Variants in RIN2 observed in about 807,000 individuals in gnomAD.
RIN2 encodes the protein Ras and Rab interactor 2.
Under a neutral mutation model 78.0 loss-of-function variants are expected in RIN2, and 36 were observed. That is an observed-to-expected ratio of 0.46 (90% CI 0.35 to 0.61). The LOEUF (loss-of-function observed/expected upper bound fraction) is 0.61. Ranked by LOEUF, RIN2 falls within the 20% of genes least tolerant of loss-of-function variation. The pLI is 0.00. For missense variants in RIN2, 1,087 were observed against 1,159.7 expected (o/e 0.94, Z 0.91); for synonymous variants, 466 against 466.8 (o/e 1.00, Z 0.02).
At chr20:19,897,665 T>C (rs73901326) in intron 3 of RIN2, among the ~76,000 whole-genome samples, 2,139 of 151,954 alleles carry the variant, frequency 0.014, 35 homozygotes, top group African/African-American at 0.044. Flanking sequence ...GAAAACTCCA[T>C]CTGAAGAGGT....
chr20:19,959,481 T>C (rs1222760696), intron 5 of RIN2, among the ~76,000 whole-genome samples: 1 of 152,206 alleles, frequency 6.6e-6, no homozygotes, highest in Non-Finnish European at 1.5e-5. Context: ...ATGAGTCCTA[T>C]GGATGCATCC....
At chr20:19,997,721 T>G (rs2043015263) in intron 12 of RIN2, among the ~76,000 whole-genome samples, 1 of 152,012 alleles carries the variant, frequency 6.6e-6, no homozygotes, top group Admixed American at 6.6e-5. Context: ...ATCACGCCAC[T>G]GCACTCCAGC....
At chr20:19,928,249 C>T (rs1353265065) in intron 3 of RIN2, among the ~76,000 whole-genome samples, 25 of 152,198 alleles carry the variant, frequency 1.6e-4, no homozygotes, top group Admixed American at 1.6e-3. Flanking sequence ...CTCCAATGAC[C>T]TTCCCTTGAC....
chr20:19,928,025 T>A (rs780371667), intron 3 of RIN2, among the ~76,000 whole-genome samples: 6 of 151,980 alleles, frequency 3.9e-5, no homozygotes, highest in Non-Finnish European at 7.4e-5. Context: ...GCCTCCGCCT[T>A]CGGAGTAGCT....
chr20:19,763,462 G>GAA (rs1314056974), intron 1 of RIN2, among the ~76,000 whole-genome samples: 2 of 152,144 alleles, frequency 1.3e-5, no homozygotes, highest in Non-Finnish European at 2.9e-5. Context: ...CTGAAAGTGT[G>GAA]AATAGAACCA....
At chr20:19,823,401 C>CT (rs1193332670) in intron 2 of RIN2, 43 of 579,934 alleles carry the variant, frequency 7.4e-5, no homozygotes, top group Middle Eastern at 4.6e-4. Context: ...TTTTTTTTTT[C>CT]TTTTTTTGTC....
intron 2 of RIN2, among the ~76,000 whole-genome samples, chr20:19,851,073 G>GAGA (rs1345161728): frequency 2.0e-5 from 3 of 151,336 alleles, no homozygotes; most frequent in Non-Finnish European, 4.4e-5. Context: ...AGGAAGGAAG[G>GAGA]AAGGAAGGAA....
At position 19,975,885 on chromosome 20, in the gene RIN2, C is replaced by G. The variant is rs566310755; in HGVS notation, c.1762+98C>G. 5.2e-5 allele frequency: 58 copies of G among 1,121,340 alleles called. No individual in the cohort carries two copies. The highest frequency in any genetic ancestry group is 7.1e-5 in the Non-Finnish European group (54 of 758,974). 69.5% of individuals were successfully genotyped at this position (1,121,340 alleles called of 1,614,324 possible). Reference sequence around the variant, plus strand: ...TTTTTATGAAGTTTACTCCGAAGTTCAAAACAACACCCAGCTCCACCTTCT... The same window carrying G: ...TTTTTATGAAGTTTACTCCGAAGTTGAAAACAACACCCAGCTCCACCTTCT... On this transcript the variant is annotated intron_variant, in intron 9 of 12. Transcript: ENST00000255006. This position sits in a 1 kb window ranked among gnomAD's most constrained non-coding sequence, Gnocchi z 4.9.
At chr20:19,890,338 G>A (rs1045323130) in intron 3 of RIN2, among the ~76,000 whole-genome samples, 3 of 151,944 alleles carry the variant, frequency 2.0e-5, no homozygotes, top group Non-Finnish European at 4.4e-5. Context: ...ATTTACACTT[G>A]GGAATCAATT....
At chr20:19,859,015 G>C (rs1464942781) in intron 2 of RIN2, among the ~76,000 whole-genome samples, 2 of 152,222 alleles carry the variant, frequency 1.3e-5, no homozygotes, top group African/African-American at 4.8e-5. Flanking sequence ...AGATCCCTGG[G>C]CTCAGAAGAT....
At chr20:19,803,183 C>T (rs563473535) in intron 2 of RIN2, among the ~76,000 whole-genome samples, 4 of 152,114 alleles carry the variant, frequency 2.6e-5, no homozygotes, top group Non-Finnish European at 5.9e-5. Context: ...CTATTTTCCT[C>T]GATTCTACCC....
In RIN2 at chr20:20,001,914, C is replaced by T. The variant is rs1438696038; in HGVS notation, c.*978C>T. The T allele has an allele frequency of 6.6e-6, 1 of 152,588 alleles. No individual in the cohort carries two copies. The highest frequency in any genetic ancestry group is 1.5e-5 in the Non-Finnish European group (1 of 68,036). The allele number at this position is 152,588 out of a possible 1,614,324, so 9.5% of individuals were successfully genotyped here. A position where few individuals can be genotyped will look rare whatever the true frequency, so the allele number is the denominator to read the frequency against. On this transcript the variant is annotated 3_prime_UTR_variant, in exon 13 of 13. Transcript: ENST00000255006. ...ACTGTAAATATGCAGTGAGGTTTGG[C>T]AAAATCTATTCCATGTGTGATTTGC...
chr20:19,831,082 C>T (rs1203507198), intron 2 of RIN2, among the ~76,000 whole-genome samples: 1 of 152,124 alleles, frequency 6.6e-6, no homozygotes, highest in Non-Finnish European at 1.5e-5. Context: ...AACCCATGAC[C>T]ATCAGCCTCT....
At position 19,975,599 on chromosome 20, in the gene RIN2, A is replaced by G; in HGVS notation, c.1574A>G (p.Lys525Arg). ...VRRIAELSRD[K>R]CTYFGCLVQD... ...AGGATCGCCGAGCTTTCCCGGGACAAATGCACCTACTTCGGGTGCTTAGTG... is the reference window on the plus strand; with the variant it reads ...AGGATCGCCGAGCTTTCCCGGGACAGATGCACCTACTTCGGGTGCTTAGTG... Residue 525 changes from lysine to arginine, a missense_variant, in exon 9 of 13, where the codon AAA becomes AGA. Around this residue, in one of 8 missense-constraint regions of RIN2, gnomAD observed 34 missense variants for 46.1 expected, o/e 0.74. Transcript: ENST00000255006. The surrounding 1 kb of genome is among the most constrained non-coding windows in gnomAD (Gnocchi z 4.9). 1 of 1,613,938 alleles carries G rather than the reference A, an allele frequency of 6.2e-7. No individual in the cohort carries two copies. Among genetic ancestry groups the G allele is most frequent in the Non-Finnish European group, 8.5e-7 (1 of 1,179,900 alleles).
chr20:19,912,993 C>A (rs569481912), intron 3 of RIN2, among the ~76,000 whole-genome samples: 1 of 152,148 alleles, frequency 6.6e-6, no homozygotes, highest in Non-Finnish European at 1.5e-5. Context: ...GAAAGTGCTG[C>A]GAGGTCCTCT....
intron 3 of RIN2, among the ~76,000 whole-genome samples, chr20:19,927,828 G>A (rs754709791): frequency 6.6e-6 from 1 of 152,120 alleles, no homozygotes; most frequent in African/African-American, 2.4e-5. Context: ...GGGATTATAG[G>A]GGTAGGCTAC....
chr20:19,777,999 A>T (rs984815793), intron 1 of RIN2, among the ~76,000 whole-genome samples: 7 of 152,266 alleles, frequency 4.6e-5, no homozygotes, highest in African/African-American at 1.7e-4. Context: ...ATGCTACAGA[A>T]GCTGTATTTT....
At chr20:19,991,447 T>G (rs1182754678) in intron 10 of RIN2, among the ~76,000 whole-genome samples, 1 of 152,146 alleles carries the variant, frequency 6.6e-6, no homozygotes, top group Non-Finnish European at 1.5e-5. Flanking sequence ...TTTTGGGGGC[T>G]GCCCTGCTTC....
chr20:19,991,473 C>G (rs1054706896), intron 10 of RIN2, among the ~76,000 whole-genome samples: 7 of 151,630 alleles, frequency 4.6e-5, no homozygotes, highest in Admixed American at 4.6e-4. Context: ...GGAAGTTTAG[C>G]AGCATTCCAG....
Sources: allele counts gnomAD v4.1 joint callset (sites outside exome capture counted in the v4.1 genomes callset), GRCh38; gene constraint gnomAD v4.1.1; regional missense constraint gnomAD v4.1.1; non-coding constraint Gnocchi (gnomAD v3.1); transcripts MANE v1.5; gene names NCBI Gene and HGNC (gene_info 2026-07-23, HGNC 2026-07-21).